The following DONSON variants were observed in gnomAD, a reference collection of about 807,000 sequenced individuals.
The protein encoded by DONSON is DNA replication fork stabilization factor DONSON.
Under a neutral mutation model 62.1 loss-of-function variants are expected in DONSON, and 43 were observed. The observed-to-expected ratio is 0.69, with a 90% CI of 0.54 to 0.89. The LOEUF is 0.89. Ranked by LOEUF, DONSON falls within the 40% of genes least tolerant of loss-of-function variation. The pLI, the probability that DONSON is intolerant of heterozygous loss-of-function variation, is 0.00. For synonymous variants in DONSON, 266 were observed against 264.6 expected (o/e 1.01, Z -0.05); for missense variants, 696 against 697.5 (o/e 1.00, Z 0.03).
chr21:33,584,660 T>C lies in DONSON; in HGVS notation c.715A>G (p.Arg239Gly). 6.2e-7 allele frequency: 1 copy of C among 1,613,372 alleles called. No individual in the cohort carries two copies. Among genetic ancestry groups the C allele is most frequent in the Non-Finnish European group, 8.5e-7 (1 of 1,179,450 alleles). Residue 239 changes from arginine to glycine, a missense_variant, in exon 4 of 10, where the codon AGA becomes GGA. Arg to Gly is a moderately radical substitution (Grantham distance 125, BLOSUM62 -2). Coordinates refer to ENST00000303071, the MANE Select transcript of DONSON (RefSeq NM_017613.4). ...GGACTTGTCTTTCCAGCCATTTTTC[T>C]ATCAGCTCCAATACGAGGGAACAGT... ...LPLFPRIGAD[R>G]KMAGKTSPWS...
chr21:33,588,087 A>C (rs1380838582), intron 1 of DONSON, among the ~76,000 whole-genome samples: 1 of 152,166 alleles, frequency 6.6e-6, no homozygotes, highest in African/African-American at 2.4e-5. Flanking sequence ...TTTCCTCGGG[A>C]ACGCGTCCCG....
At chr21:33,579,666 A>T in intron 8 of DONSON, 104 bp from the exon 9 acceptor site, 1 of 858,644 alleles carries the variant, frequency 1.2e-6, no homozygotes, top group Non-Finnish European at 1.8e-6. Flanking sequence ...CCTCTCTTTT[A>T]ACAATTATGG....
Position 33,578,106 on chromosome 21 carries a change from A to G in DONSON, c.*201T>C, listed in dbSNP as rs2086456829. The stretch of plus-strand genomic sequence containing the variant: ...TAGGTTGTAGGGATATAGATATCTC[A>G]TTTGAGTTATCTGAGTTTTTCATCT... On this transcript the variant is annotated 3_prime_UTR_variant, in exon 10 of 10. Coordinates refer to ENST00000303071, the MANE Select transcript of DONSON (RefSeq NM_017613.4). 3 of 534,242 alleles carry G rather than the reference A, an allele frequency of 5.6e-6. No individual in the cohort carries two copies. The highest frequency in any genetic ancestry group is 3.2e-5 in the East Asian group (1 of 31,312). 33.1% of individuals were successfully genotyped at this position (534,242 alleles called of 1,614,324 possible).
At chr21:33,585,579 C>A (rs1013679448) in intron 3 of DONSON, among the ~76,000 whole-genome samples, 4 of 151,940 alleles carry the variant, frequency 2.6e-5, no homozygotes, top group African/African-American at 9.7e-5. Flanking sequence ...CTAGAACTCA[C>A]AAACTCCACA....
chr21:33,588,423 G>A lies in DONSON; in HGVS notation c.219C>T (p.Ala73=). 3.8e-6 allele frequency: 5 copies of A among 1,308,082 alleles called. No individual in the cohort carries two copies. Among genetic ancestry groups the A allele is most frequent in the Non-Finnish European group, 4.9e-6 (5 of 1,029,272 alleles). The allele number at this position is 1,308,082 out of a possible 1,614,324, so 81.0% of individuals were successfully genotyped here. A position where few individuals can be genotyped will look rare whatever the true frequency, so the allele number is the denominator to read the frequency against. The part of the protein sequence containing the change: ...GRGGGSGGGP[A]AARRNPFARL... ...GGGCGAAGGGGTTCCTCCGAGCAGC[G>A]GCCGGGCCGCCGCCGCTGCCACCGC... The change falls in exon 1 of 10, where the codon GCC becomes GCT. Residue 73 remains alanine (A), a synonymous_variant. Coordinates refer to ENST00000303071, the MANE Select transcript of DONSON (RefSeq NM_017613.4).
At chr21:33,587,370 T>A (rs1335026674) in intron 2 of DONSON, 152 bp downstream of exon 2, 36 of 1,372,620 alleles carry the variant, frequency 2.6e-5, no homozygotes, top group Non-Finnish European at 3.3e-5. Flanking sequence ...GGTATTTTCA[T>A]CCCTGGTTGA....
intron 8 of DONSON, among the ~76,000 whole-genome samples, chr21:33,580,367 A>G (rs922164530): frequency 1.3e-5 from 2 of 149,456 alleles, no homozygotes; most frequent in Admixed American, 1.3e-4. Context: ...CACCCTGACC[A>G]ACATGGTGAA....
chr21:33,584,113 CG>C (rs1320253783), intron 4 of DONSON, among the ~76,000 whole-genome samples: 6 of 146,986 alleles, frequency 4.1e-5, no homozygotes, highest in African/African-American at 1.5e-4. Flanking sequence ...GGCGCGATCT[CG>C]GCTCACTGCA....
intron 3 of DONSON, among the ~76,000 whole-genome samples, chr21:33,585,648 A>G (rs1226318980): frequency 6.6e-6 from 1 of 152,118 alleles, no homozygotes; most frequent in Non-Finnish European, 1.5e-5. Context: ...CAGCCCTTGC[A>G]ATCCCACCCA....
chr21:33,579,489 G>A lies in DONSON; in HGVS notation c.1424C>T (p.Pro475Leu). Residue 475 changes from proline (P) to leucine (L), a missense_variant, in exon 9 of 10, where the codon CCT becomes CTT. Transcript: ENST00000303071. ...TGAATGCAGAGAATGAGGCATGATA[G>A]GACCTGTAATCTCCAAACTAAATTG... is the stretch of plus-strand genomic sequence containing the variant. ...RDQFSLEITG[P>L]IMPHSLHSLT... 1 of 1,614,200 alleles carries A rather than the reference G, an allele frequency of 6.2e-7. No individual in the cohort carries two copies. The highest frequency in any genetic ancestry group is 8.5e-7 in the Non-Finnish European group (1 of 1,180,022).
At chr21:33,585,807 AG>A (rs1447611724) in intron 3 of DONSON, among the ~76,000 whole-genome samples, 170 bp downstream of exon 3, 1 of 152,092 alleles carries the variant, frequency 6.6e-6, no homozygotes, top group Non-Finnish European at 1.5e-5. Context: ...AAAAAAAAAA[AG>A]GTATGAAAGC....
At position 33,588,319 on chromosome 21, in the gene DONSON, A is replaced by G; in HGVS notation, c.321+2T>C. The G allele has an allele frequency of 7.8e-7, 1 of 1,282,066 alleles. No homozygotes were observed. Among genetic ancestry groups the G allele is most frequent in the Non-Finnish European group, 9.8e-7 (1 of 1,018,418 alleles). The allele number at this position is 1,282,066 out of a possible 1,614,324, so 79.4% of individuals were successfully genotyped here. ...TTGGCGGCCAGGCTACAAGACACTCACCGGGACCGGGGCCTCCGGCTGCTC... is the reference window on the plus strand; with the variant it reads ...TTGGCGGCCAGGCTACAAGACACTCGCCGGGACCGGGGCCTCCGGCTGCTC... On this transcript the variant is annotated splice_donor_variant, in intron 1 of 9. Transcript: ENST00000303071. LOFTEE classifies it high-confidence loss of function.
chr21:33,587,161 C>T (rs1479547955), intron 2 of DONSON, among the ~76,000 whole-genome samples: 5 of 152,144 alleles, frequency 3.3e-5, no homozygotes, highest in African/African-American at 1.2e-4. Context: ...AGGTTCAGTG[C>T]TATGCCACAA....
In DONSON at chr21:33,584,455, T is replaced by C. The variant is rs1044643265; in HGVS notation, c.785+135A>G. ...AGTAAACAGTTTATATGTTGGTTAT[T>C]AATAGGTTCAGATAAAATTCACAAG... On this transcript the variant is annotated intron_variant, in intron 4 of 9. Coordinates refer to ENST00000303071, the MANE Select transcript of DONSON (RefSeq NM_017613.4). The C allele has an allele frequency of 8.6e-6, 7 of 816,706 alleles. No individual in the cohort carries two copies. In the African/African-American group the frequency reaches 1.2e-4, roughly 14 times the overall value. 50.6% of individuals were successfully genotyped at this position (816,706 alleles called of 1,614,324 possible).
At chr21:33,581,917 A>T in intron 7 of DONSON, 34 bp downstream of exon 7, 1 of 1,584,672 alleles carries the variant, frequency 6.3e-7, no homozygotes. Context: ...ATTCAATGAA[A>T]ATTAATTCTA....
intron 1 of DONSON, 54 bp downstream of exon 1, chr21:33,588,267 G>C: frequency 1.7e-6 from 2 of 1,199,518 alleles, no homozygotes; most frequent in Non-Finnish European, 2.1e-6. Flanking sequence ...TTCACAGCTG[G>C]CTCAACCCAC....
At chr21:33,583,093 C>CGGGAGGCT (rs1254362851) in intron 5 of DONSON, among the ~76,000 whole-genome samples, 2 of 149,502 alleles carry the variant, frequency 1.3e-5, no homozygotes, top group African/African-American at 4.9e-5. Context: ...CCCAGCTACT[C>CGGGAGGCT]GGGAGGCTGA....
At chr21:33,584,213 T>C (rs1375847996) in intron 4 of DONSON, among the ~76,000 whole-genome samples, 2 of 150,818 alleles carry the variant, frequency 1.3e-5, no homozygotes, top group African/African-American at 4.9e-5. Context: ...CCAGGCTAAT[T>C]TTTTTTGTAT....
chr21:33,578,331 GTC>G lies in DONSON; in HGVS notation c.1675_1676del (p.Asp559LeufsTer4). 2 of 1,613,646 alleles carry G rather than the reference GTC, an allele frequency of 1.2e-6. No individual in the cohort carries two copies. Among genetic ancestry groups the G allele is most frequent in the Non-Finnish European group, 1.7e-6 (2 of 1,179,800 alleles). On this transcript the variant is annotated frameshift_variant, in exon 10 of 10. Transcript: ENST00000303071. LOFTEE classifies it high-confidence loss of function. ...KSSLRNVVLR[D>X]YIYNWRS ...TTCAGGATCTCCAATTATAAATGTA[GTC>G]TCTCAGCACCACATTCCGTAAAGAT...
Sources: allele counts gnomAD v4.1 joint callset (sites outside exome capture counted in the v4.1 genomes callset), GRCh38; gene constraint gnomAD v4.1.1; transcripts MANE v1.5; gene names NCBI Gene and HGNC (gene_info 2026-07-23, HGNC 2026-07-21).